The following LINGO2 variants were observed in gnomAD, a reference collection of about 807,000 sequenced individuals.
LINGO2 encodes the protein leucine rich repeat and Ig domain containing 2.
LINGO2 carries 14 observed loss-of-function variants against 30.6 expected under a neutral mutation model. The ratio of observed to expected loss-of-function variants is 0.46; its 90% CI spans 0.30 to 0.72. The LOEUF is 0.72. Ranked by LOEUF, LINGO2 falls within the 30% of genes least tolerant of loss-of-function variation. The pLI, the probability that LINGO2 is intolerant of heterozygous loss-of-function variation, is 0.07. For missense variants in LINGO2, 729 were observed against 751.7 expected, an observed-to-expected ratio of 0.97 and a Z score of 0.35; for synonymous variants, 317 against 288.5, an observed-to-expected ratio of 1.10 and a Z score of -1.00.
chr9:29,165,414 C>CT, the LINGO2 span, among the ~76,000 whole-genome samples: 5 of 152,018 alleles, frequency 3.3e-5, no homozygotes, highest in African/African-American at 1.2e-4. Context: ...TGTTGGCTCT[C>CT]TGTGGTAAGC....
rs556856551 is a variant in LINGO2, at chr9:28,589,941, G to A, written c.-365+80259C>T. ...ACAGTAACCAAAACAGCATGGAACT[G>A]GAGACCAAAACAGAGATATAGACCA... On this transcript the variant is annotated intron_variant, in intron 1 of 5. Coordinates refer to ENST00000379992, the Ensembl canonical transcript of LINGO2. Among the ~76,000 whole-genome samples the A allele has an allele frequency of 3.1e-4, 47 of 152,226 alleles. No individual in the cohort carries two copies. In the South Asian group the frequency reaches 5.0e-3, roughly 16 times the overall value.
intron 4 of LINGO2, among the ~76,000 whole-genome samples, chr9:28,239,317 G>A (rs747593961): frequency 1.3e-5 from 2 of 151,726 alleles, no homozygotes; most frequent in Non-Finnish European, 2.9e-5. Flanking sequence ...ACCAAAACAA[G>A]ACAAAGATAC....
chr9:28,929,737 A>G, the LINGO2 span, among the ~76,000 whole-genome samples: 1 of 152,226 alleles, frequency 6.6e-6, no homozygotes. Flanking sequence ...AACTGCGCCA[A>G]TGGTCTACGT....
At chr9:28,747,226 C>T in the LINGO2 span, among the ~76,000 whole-genome samples, 12 of 152,006 alleles carry the variant, frequency 7.9e-5, no homozygotes, top group Admixed American at 2.6e-4. Context: ...AGAGAAGGAA[C>T]GTTTGAATGC....
chr9:29,155,300 CA>C, the LINGO2 span, among the ~76,000 whole-genome samples: 1 of 152,090 alleles, frequency 6.6e-6, no homozygotes, highest in South Asian at 2.1e-4. Flanking sequence ...ATCTCCAGAA[CA>C]TATTTAACTC....
intron 3 of LINGO2, among the ~76,000 whole-genome samples, chr9:28,302,537 G>A (rs1039987109): frequency 3.3e-5 from 5 of 152,102 alleles, no homozygotes; most frequent in African/African-American, 9.7e-5. Context: ...TAGGCCTGGT[G>A]GCACACACCT....
chr9:28,400,286 T>G (rs1331905), intron 2 of LINGO2, among the ~76,000 whole-genome samples: 1 of 151,970 alleles, frequency 6.6e-6, no homozygotes, highest in Admixed American at 6.6e-5. Context: ...AAAGAACGTA[T>G]GAATTTTCCT....
chr9:29,039,944 T>C, the LINGO2 span, among the ~76,000 whole-genome samples: 13 of 152,156 alleles, frequency 8.5e-5, no homozygotes. Flanking sequence ...GGGTCAAATT[T>C]TCATTTTTTT....
the LINGO2 span, among the ~76,000 whole-genome samples, chr9:28,969,598 G>T: frequency 1.3e-5 from 2 of 152,148 alleles, no homozygotes; most frequent in African/African-American, 4.8e-5. Flanking sequence ...AACCAGTCAG[G>T]AAGTGGCTCT....
rs368792010 is a variant in LINGO2 at position 28,550,707 on chromosome 9, C to T, written c.-364-74682G>A. ...AACAAATTACCATTTAATATTTTTG[C>T]TTTCATAAAATAGAATAGTAAACAC... is the stretch of plus-strand genomic sequence containing the variant. On this transcript the variant is annotated intron_variant, in intron 1 of 5. Coordinates refer to ENST00000379992, the Ensembl canonical transcript of LINGO2. 5.9e-3 allele frequency among the ~76,000 whole-genome samples: 892 copies of T among 151,660 alleles called. 3 individuals are homozygous for T. The highest frequency in any genetic ancestry group is 0.012 in the Admixed American group (188 of 15,234).
At chr9:28,992,448 A>ATCAACAT in the LINGO2 span, among the ~76,000 whole-genome samples, 2 of 19,340 alleles carry the variant, frequency 1.0e-4, no homozygotes, top group Non-Finnish European at 1.9e-4. Context: ...TCAACATTAG[A>ATCAACAT]CAGATCAATG....
chr9:28,992,664 C>T, the LINGO2 span, among the ~76,000 whole-genome samples: 3 of 152,140 alleles, frequency 2.0e-5, no homozygotes, highest in Non-Finnish European at 4.4e-5. Flanking sequence ...AACAAACTTT[C>T]TCTCAGACCA....
chr9:28,538,286 A>C (rs188566785), intron 1 of LINGO2, among the ~76,000 whole-genome samples: 1 of 152,020 alleles, frequency 6.6e-6, no homozygotes, highest in Non-Finnish European at 1.5e-5. Context: ...TATTGTCTAT[A>C]AAAAGTATTG....
the LINGO2 span, among the ~76,000 whole-genome samples, chr9:28,759,518 T>C: frequency 6.6e-6 from 1 of 151,418 alleles, no homozygotes; most frequent in Non-Finnish European, 1.5e-5. Context: ...CCATCTCTAC[T>C]AAAAATACAA....
the LINGO2 span, among the ~76,000 whole-genome samples, chr9:28,947,510 T>C: frequency 6.6e-6 from 1 of 152,018 alleles, no homozygotes; most frequent in Non-Finnish European, 1.5e-5. Context: ...TACATACACA[T>C]AGTGGGAAAT....
chr9:28,005,355 T>C (rs1475849102), intron 5 of LINGO2, among the ~76,000 whole-genome samples: 1 of 152,206 alleles, frequency 6.6e-6, no homozygotes, highest in Non-Finnish European at 1.5e-5. Context: ...GGATATCATA[T>C]GTGATTCCCA....
intron 4 of LINGO2, among the ~76,000 whole-genome samples, chr9:28,190,500 G>A (rs1161766517): frequency 6.6e-6 from 1 of 152,082 alleles, no homozygotes; most frequent in Non-Finnish European, 1.5e-5. Flanking sequence ...CCAAATGAAT[G>A]AGATTCGTGC....
the LINGO2 span, among the ~76,000 whole-genome samples, chr9:28,979,378 A>G: frequency 1.3e-5 from 2 of 152,096 alleles, no homozygotes; most frequent in African/African-American, 4.8e-5. Flanking sequence ...AAAGGTAAAA[A>G]GGGATATTTC....
intron 2 of LINGO2, among the ~76,000 whole-genome samples, chr9:28,443,373 C>G (rs1052103306): frequency 1.3e-4 from 20 of 152,134 alleles, no homozygotes; most frequent in South Asian, 4.1e-4. Context: ...CTCTGTTGAG[C>G]TGGTTGGGGC....
Sources: gnomAD v4.1 joint callset for allele counts (sites outside exome capture counted in the v4.1 genomes callset) on GRCh38, gnomAD v4.1.1 for gene constraint, MANE v1.5 for transcripts, NCBI Gene and HGNC (gene_info 2026-07-23, HGNC 2026-07-21) for gene names.